The following ELP6 variants were observed in gnomAD, a reference collection of about 807,000 sequenced individuals.
The protein encoded by ELP6 is elongator complex protein 6.
ELP6 carries 23 observed loss-of-function variants against 28.1 expected under a neutral mutation model. That is an observed-to-expected ratio of 0.82 (90% CI 0.59 to 1.16). The LOEUF (loss-of-function observed/expected upper bound fraction) is 1.16. Ranked by LOEUF, ELP6 falls within the 50% of genes most tolerant of loss-of-function variation. ELP6 has a pLI of 0.00. For synonymous variants in ELP6, 132 were observed against 135.8 expected, an observed-to-expected ratio of 0.97 and a Z score of 0.19; for missense variants, 313 against 334.6, an observed-to-expected ratio of 0.94 and a Z score of 0.50.
chr3:47,509,417 C>G (rs1708946663), intron 3 of ELP6, among the ~76,000 whole-genome samples: 1 of 152,236 alleles, frequency 6.6e-6, no homozygotes, highest in Admixed American at 6.5e-5. Flanking sequence ...CAGGCTAGGT[C>G]AAGAAGTTCA....
chr3:47,513,259 T>C, intron 1 of ELP6: 6 of 1,295,820 alleles, frequency 4.6e-6, no homozygotes, highest in Non-Finnish European at 5.9e-6. Flanking sequence ...CCCAAACTGC[T>C]GGGATTACAG....
intron 1 of ELP6, chr3:47,512,850 G>A: frequency 2.0e-6 from 2 of 981,470 alleles, no homozygotes; most frequent in Non-Finnish European, 2.4e-6. Context: ...GCGGCGAAAC[G>A]AACTCCCCTC....
At position 47,504,426 on chromosome 3, in the gene ELP6, C is replaced by A; in HGVS notation, c.227G>T (p.Arg76Leu). Residue 76 changes from arginine (R) to leucine (L), a missense_variant, in exon 4 of 7, where the codon CGG (arginine) becomes CTG (leucine). By Grantham distance (102) the Arg-to-Leu change is moderately radical. Coordinates refer to ENST00000296149, the MANE Select transcript of ELP6 (RefSeq NM_001031703.3). Reference protein sequence around the residue: ...QKLGVSLTMARERGQLVFLEG... With the variant: ...QKLGVSLTMALERGQLVFLEG... ...AAGGAACACAAGCTGCCCACGCTCC[C>A]GCGCCATGGTCAGGCTGACACCCTA... 1 of 1,607,478 alleles carries A rather than the reference C, an allele frequency of 6.2e-7. No individual in the cohort carries two copies. Among genetic ancestry groups the A allele is most frequent in the Non-Finnish European group, 8.5e-7 (1 of 1,176,294 alleles).
chr3:47,504,295 G>T (rs369632480), intron 4 of ELP6, 35 bp downstream of exon 4: 2 of 1,551,716 alleles, frequency 1.3e-6, no homozygotes, highest in Non-Finnish European at 8.7e-7. Flanking sequence ...CACCTGCCAC[G>T]TGTTGCTTCC....
Position 47,513,519 on chromosome 3 carries a change from G to T in ELP6, c.54+18C>A, listed in dbSNP as rs1482295519. 6.2e-7 allele frequency: 1 copy of T among 1,610,230 alleles called. No individual in the cohort carries two copies. The highest frequency in any genetic ancestry group is 8.5e-7 in the Non-Finnish European group (1 of 1,178,572). The stretch of plus-strand genomic sequence containing the variant: ...CCCTGCCAGGTCCCGCCCCCTTCCG[G>T]CCAGCGGGACCTCTTACCTGCTCCG... On this transcript the variant is annotated intron_variant, in intron 1 of 6. Coordinates refer to ENST00000296149, the MANE Select transcript of ELP6 (RefSeq NM_001031703.3).
intron 4 of ELP6, among the ~76,000 whole-genome samples, chr3:47,502,811 G>C (rs1708707185): frequency 6.6e-6 from 1 of 152,020 alleles, no homozygotes; most frequent in African/African-American, 2.4e-5. Flanking sequence ...CTGCACTCCA[G>C]CTTGGAAAAC....
rs1708471299 is a variant in ELP6 at position 47,496,092 on chromosome 3, CT to C, written c.777del (p.Gly260GlufsTer26). On this transcript the variant is annotated frameshift_variant, in exon 7 of 7. Transcript: ENST00000296149. LOFTEE classifies it high-confidence loss of function. ...IQDKSVSFFAKGMSPAVL is the reference protein window; with the variant it reads ...IQDKSVSFFAXGMSPAVL ...GGTCACAGAACAGCAGGAGACATTC[CT>C]TTGGCAAAAAAGGACACGCTTTTGT... The C allele has an allele frequency of 6.2e-7, 1 of 1,614,130 alleles. No homozygotes were observed. Among genetic ancestry groups the C allele is most frequent in the East Asian group, 2.2e-5 (1 of 44,874 alleles).
chr3:47,510,214 G>C lies in ELP6; in HGVS notation c.174C>G (p.Phe58Leu). The change falls in exon 3 of 7, where the codon TTC (phenylalanine) becomes TTG (leucine). Residue 58 changes from phenylalanine to leucine, a missense_variant. Phe to Leu is a conservative substitution (Grantham distance 22, BLOSUM62 0). Coordinates refer to ENST00000296149, the MANE Select transcript of ELP6 (RefSeq NM_001031703.3). ...KVCFVALIQS[F>L]SHYSIVGQKL... Reference sequence around the variant, plus strand: ...TCTGTCCCACGATACTGTAGTGGCTGAAGGACTGGATGAGTGCCACAAAGC... The same window carrying C: ...TCTGTCCCACGATACTGTAGTGGCTCAAGGACTGGATGAGTGCCACAAAGC... The C allele has an allele frequency of 6.2e-7, 1 of 1,614,050 alleles. No homozygotes were observed. The highest frequency in any genetic ancestry group is 8.5e-7 in the Non-Finnish European group (1 of 1,179,906).
At position 47,495,655 on chromosome 3, in the gene ELP6, T is replaced by TAC. The variant is rs1410407669; in HGVS notation, c.*412_*413dup. 2 of 194,728 alleles carry TAC rather than the reference T, an allele frequency of 1.0e-5. No homozygotes were observed. The highest frequency in any genetic ancestry group is 1.0e-5 in the Non-Finnish European group (1 of 96,616). The allele number at this position is 194,728 out of a possible 1,614,324, so 12.1% of individuals were successfully genotyped here. A position where few individuals can be genotyped will look rare whatever the true frequency, so the allele number is the denominator to read the frequency against. On this transcript the variant is annotated 3_prime_UTR_variant, in exon 7 of 7. Transcript: ENST00000296149. ...CACAGGAAGCTCCAGTGTGGAAACT[T>TAC]ACTTTATTCCAGCCATGATTATCCT...
chr3:47,512,236 A>C (rs1709035735), intron 1 of ELP6: 1 of 200,904 alleles, frequency 5.0e-6, no homozygotes, highest in Non-Finnish European at 8.9e-6. Flanking sequence ...AGGAAGACAA[A>C]GATTATGAAT....
In ELP6 at chr3:47,498,295, C is replaced by A. The variant is rs1348355768; in HGVS notation, c.663G>T (p.Val221=). ...GGAGGCCCCTGCATACCTGCCCGTG[C>A]ACATCCCTGCAGAAGCCAGTGGCCA... ...EGLATGFCRD[V]HGQLRILWRR... Residue 221 remains valine, a synonymous_variant, in exon 6 of 7, where the codon GTG becomes GTT. Transcript: ENST00000296149. 2 of 1,613,386 alleles carry A rather than the reference C, an allele frequency of 1.2e-6. No individual in the cohort carries two copies. The highest frequency in any genetic ancestry group is 1.7e-6 in the Non-Finnish European group (2 of 1,180,010).
rs370492398 is a variant in ELP6, at chr3:47,498,332, C to T, written c.626G>A (p.Arg209Gln). 6.9e-5 allele frequency: 112 copies of T among 1,613,642 alleles called. No individual in the cohort carries two copies. Among genetic ancestry groups the T allele is most frequent in the Non-Finnish European group, 8.0e-5 (94 of 1,180,044 alleles). The change falls in exon 6 of 7, where the codon CGG becomes CAG. Residue 209 changes from arginine to glutamine, a missense_variant. Coordinates refer to ENST00000296149, the MANE Select transcript of ELP6 (RefSeq NM_001031703.3). ...GAAGCCAGTGGCCAGGCCCTCAGCC[C>T]GCAGTATCAGATGGCTCTGATGACT... ...GLSHQSHLIL[R>Q]AEGLATGFCR...
At position 47,513,622 on chromosome 3, in the gene ELP6, G is replaced by C. The variant is rs1319044399; in HGVS notation, c.-32C>G. On this transcript the variant is annotated 5_prime_UTR_variant, in exon 1 of 7. Transcript: ENST00000296149. The stretch of plus-strand genomic sequence containing the variant: ...CTCCTGGGACTAGCGCTCTGGAGGA[G>C]AACCCGGAGTGCTGCAGAGACGACG... 2 of 1,612,642 alleles carry C rather than the reference G, an allele frequency of 1.2e-6. No homozygotes were observed. Among genetic ancestry groups the C allele is most frequent in the South Asian group, 1.1e-5 (1 of 90,864 alleles).
At chr3:47,504,632 A>G in intron 3 of ELP6, 184 bp from the exon 4 acceptor site, 1 of 985,334 alleles carries the variant, frequency 1.0e-6, no homozygotes, top group Non-Finnish European at 1.2e-6. Context: ...AACTGTTTTC[A>G]GATGTGTATT....
At position 47,513,571 on chromosome 3, in the gene ELP6, T is replaced by C; in HGVS notation, c.20A>G (p.Asn7Ser). 6.2e-7 allele frequency: 1 copy of C among 1,613,068 alleles called. No homozygotes were observed. The highest frequency in any genetic ancestry group is 8.5e-7 in the Non-Finnish European group (1 of 1,179,490). The stretch of plus-strand genomic sequence containing the variant: ...CCTGTCGGGGGTGGTGTTAAGCAGG[T>C]TATTAAGTTCCACGAACATTCCGAG... MFVELN[N>S]LLNTTPDRAE... The change falls in exon 1 of 7, where the codon AAC becomes AGC. Residue 7 changes from asparagine to serine, a missense_variant. Asn to Ser is a conservative substitution (Grantham distance 46). Coordinates refer to ENST00000296149, the MANE Select transcript of ELP6 (RefSeq NM_001031703.3).
At chr3:47,499,847 A>C in intron 5 of ELP6, 1 of 1,202,042 alleles carries the variant, frequency 8.3e-7, no homozygotes, top group Non-Finnish European at 1.0e-6. Context: ...CACAGAACTC[A>C]GCACCAAATA....
At chr3:47,511,252 G>A in intron 1 of ELP6, 26 bp from the exon 2 acceptor site, 1 of 1,611,550 alleles carries the variant, frequency 6.2e-7, no homozygotes, top group Non-Finnish European at 8.5e-7. Context: ...AACACAAAAA[G>A]GTTAGACTCC....
chr3:47,497,765 C>A (rs1559585403), intron 6 of ELP6, among the ~76,000 whole-genome samples: 1 of 152,002 alleles, frequency 6.6e-6, no homozygotes, highest in Non-Finnish European at 1.5e-5. Context: ...CCCGTCTCTA[C>A]TAAAAATATT....
chr3:47,496,736 C>T (rs975838231), intron 6 of ELP6: 9 of 946,096 alleles, frequency 9.5e-6, no homozygotes, highest in Non-Finnish European at 1.1e-5. Flanking sequence ...TCAGGTGATC[C>T]GCCCACCTCG....
Sources: gnomAD v4.1 joint callset for allele counts (sites outside exome capture counted in the v4.1 genomes callset) on GRCh38, gnomAD v4.1.1 for gene constraint, MANE v1.5 for transcripts, NCBI Gene and HGNC (gene_info 2026-07-23, HGNC 2026-07-21) for gene names.